The following TMCO5A variants were observed in gnomAD, a reference collection of about 807,000 sequenced individuals.
TMCO5A encodes transmembrane and coiled-coil domain-containing protein 5A.
Under a neutral mutation model 42.3 loss-of-function variants are expected in TMCO5A, and 34 were observed. That is an observed-to-expected ratio of 0.80 (90% CI 0.61 to 1.07). The LOEUF is 1.07. Among genes scored for constraint, TMCO5A ranks in the 50% least tolerant of loss-of-function variants. The pLI, the probability that TMCO5A is intolerant of heterozygous loss-of-function variation, is 0.00. For missense variants in TMCO5A, 357 were observed against 327.9 expected (o/e 1.09, Z -0.69); for synonymous variants, 131 against 115.6 (o/e 1.13, Z -0.86).
the TMCO5A span, among the ~76,000 whole-genome samples, chr15:37,981,219 A>C: frequency 2.0e-5 from 3 of 151,622 alleles, no homozygotes; most frequent in East Asian, 1.9e-4. Context: ...AAAAAAAAAA[A>C]AAAAAACTGG....
intron 11 of TMCO5A, among the ~76,000 whole-genome samples, chr15:37,965,262 T>C (rs116886671): frequency 0.062 from 9,402 of 152,084 alleles, 394 homozygotes; most frequent in Admixed American, 0.14. Flanking sequence ...AAAAATCAAA[T>C]CAAAATGGAT....
the TMCO5A span, among the ~76,000 whole-genome samples, chr15:37,986,380 G>GGT: frequency 0.12 from 16,713 of 139,134 alleles, 954 homozygotes; most frequent in South Asian, 0.15. Context: ...GGTAAGGGAT[G>GGT]GTGTGTGTGT....
chr15:37,966,522 A>T (rs926462508), intron 11 of TMCO5A: 3 of 699,046 alleles, frequency 4.3e-6, no homozygotes, highest in African/African-American at 1.8e-5. Flanking sequence ...TACCCACAAA[A>T]TTTTTTTCAG....
the TMCO5A span, among the ~76,000 whole-genome samples, chr15:38,036,064 A>T: frequency 6.6e-6 from 1 of 152,284 alleles, no homozygotes; most frequent in East Asian, 1.9e-4. Flanking sequence ...AGTCAGCCTC[A>T]CGTCCCCTCC....
chr15:37,941,472 C>T (rs1889737324), intron 7 of TMCO5A, among the ~76,000 whole-genome samples, 199 bp from the exon 8 acceptor site: 1 of 152,128 alleles, frequency 6.6e-6, no homozygotes, highest in Non-Finnish European at 1.5e-5. Context: ...CCCCAAATTC[C>T]ACCTTTGACC....
At chr15:38,011,418 T>C in the TMCO5A span, among the ~76,000 whole-genome samples, 2 of 152,186 alleles carry the variant, frequency 1.3e-5, no homozygotes, top group African/African-American at 4.8e-5. Flanking sequence ...AGTGTGTGTG[T>C]GCGATGGTGG....
chr15:37,994,744 C>A, the TMCO5A span: 1 of 152,172 alleles, frequency 6.6e-6, no homozygotes, highest in Non-Finnish European at 1.5e-5. Context: ...GTCTTTCAAT[C>A]TGAAACTCCA....
At chr15:38,021,883 C>T in the TMCO5A span, among the ~76,000 whole-genome samples, 1 of 150,234 alleles carries the variant, frequency 6.7e-6, no homozygotes, top group East Asian at 2.0e-4. Context: ...GATCTCAGCT[C>T]ACTGCAACCT....
the TMCO5A span, among the ~76,000 whole-genome samples, chr15:38,006,573 T>G: frequency 6.6e-6 from 1 of 152,160 alleles, no homozygotes; most frequent in South Asian, 2.1e-4. Context: ...CTGAGAAGCA[T>G]TCAGTCCAGT....
At chr15:38,010,110 C>A in the TMCO5A span, among the ~76,000 whole-genome samples, 1 of 151,738 alleles carries the variant, frequency 6.6e-6, no homozygotes, top group South Asian at 2.1e-4. Flanking sequence ...GCGGTGGCTC[C>A]CGCCTGTAAT....
the TMCO5A span, among the ~76,000 whole-genome samples, chr15:38,022,431 A>G: frequency 6.6e-6 from 1 of 152,200 alleles, no homozygotes; most frequent in Non-Finnish European, 1.5e-5. Context: ...ACTACATGAC[A>G]TTCTGGAAAA....
chr15:38,015,233 C>T, the TMCO5A span, among the ~76,000 whole-genome samples: 1 of 152,040 alleles, frequency 6.6e-6, no homozygotes, highest in Non-Finnish European at 1.5e-5. Context: ...TGCTTTGCAT[C>T]CTTCAATCCA....
the TMCO5A span, among the ~76,000 whole-genome samples, chr15:38,034,302 C>T: frequency 1.3e-5 from 2 of 152,262 alleles, no homozygotes; most frequent in East Asian, 1.9e-4. Context: ...TTAAGGGACA[C>T]ATTCAGGCCA....
At chr15:37,947,570 T>A (rs1890008511) in intron 10 of TMCO5A, 86 bp from the exon 11 acceptor site, 1 of 879,360 alleles carries the variant, frequency 1.1e-6, no homozygotes. Flanking sequence ...CTAAATAACA[T>A]ATAACTAATG....
At position 37,951,354 on chromosome 15, in the gene TMCO5A, T is replaced by C; in HGVS notation, c.*120T>C. 1.1e-6 allele frequency: 1 copy of C among 894,838 alleles called. No individual in the cohort carries two copies. The highest frequency in any genetic ancestry group is 1.7e-6 in the Non-Finnish European group (1 of 582,856). The allele number at this position is 894,838 out of a possible 1,614,324, so 55.4% of individuals were successfully genotyped here. ...AGTTTTTTCCTCACCGTTTGCCTGCTTGACTACCTTCTGTCACCACGTCAT... is the reference window on the plus strand; with the variant it reads ...AGTTTTTTCCTCACCGTTTGCCTGCCTGACTACCTTCTGTCACCACGTCAT... On this transcript the variant is annotated 3_prime_UTR_variant, in exon 12 of 12. Transcript: ENST00000319669.
the TMCO5A span, among the ~76,000 whole-genome samples, chr15:37,975,100 A>C: frequency 6.6e-6 from 1 of 152,130 alleles, no homozygotes; most frequent in Non-Finnish European, 1.5e-5. Flanking sequence ...CTGTGATCCA[A>C]GAGTGTGTTT....
At chr15:38,020,499 G>A in the TMCO5A span, 1 of 152,210 alleles carries the variant, frequency 6.6e-6, no homozygotes, top group Non-Finnish European at 1.5e-5. Flanking sequence ...CTGCAACTCA[G>A]AAGCACTTGG....
chr15:37,951,192 T>C lies in TMCO5A; in HGVS notation c.825T>C (p.Phe275=), dbSNP rs143433739. The C allele has an allele frequency of 3.7e-6, 6 of 1,613,836 alleles. No individual in the cohort carries two copies. In the African/African-American group the frequency reaches 8.0e-5, roughly 22 times the overall value. ...TGTGGAAGCTCAGATGCTTCTTCTT[T>C]CCATCTCTCACACTTGAGACAGAGG... ...STLWKLRCFF[F]PSLTLETEDM... The change falls in exon 12 of 12, where the codon TTT becomes TTC. Residue 275 remains phenylalanine, a synonymous_variant. Transcript: ENST00000319669.
chr15:37,942,403 C>T, intron 9 of TMCO5A, 148 bp downstream of exon 9: 1 of 694,872 alleles, frequency 1.4e-6, no homozygotes, highest in Middle Eastern at 2.9e-4. Flanking sequence ...ATCTGGTTGA[C>T]CCCAGTAGAT....
Sources: allele counts gnomAD v4.1 joint callset (sites outside exome capture counted in the v4.1 genomes callset), GRCh38; gene constraint gnomAD v4.1.1; transcripts MANE v1.5; gene names NCBI Gene and HGNC (gene_info 2026-07-23, HGNC 2026-07-21).